POLN: variants seen among roughly 807,000 people sequenced by gnomAD.
The protein encoded by POLN is DNA polymerase nu.
A neutral mutation model predicts 113.5 loss-of-function variants in POLN; 108 were observed. The observed-to-expected ratio is 0.95, with a 90% CI of 0.81 to 1.12. The LOEUF is 1.12. Ranked by LOEUF, POLN falls within the 50% of genes most tolerant of loss-of-function variation. The probability of loss-of-function intolerance (pLI) is 0.00; values close to 1 mark genes in which losing one functional copy is unlikely to be tolerated. For missense variants in POLN, 1,097 were observed against 1,077.1 expected, an observed-to-expected ratio of 1.02 and a Z score of -0.26; for synonymous variants, 386 against 391.5, an observed-to-expected ratio of 0.99 and a Z score of 0.17.
rs574363541 is a variant in POLN at position 2,208,923 on chromosome 4, G to A, written c.214-436C>T. On this transcript the variant is annotated intron_variant, in intron 4 of 25. Transcript: ENST00000511885. ...GAATCACTTGAATTCAGGAGGTGGA[G>A]GCTGAAGTGAGCTGGGATTGCACCA... Among the ~76,000 whole-genome samples the A allele has an allele frequency of 2.0e-4, 30 of 152,160 alleles. 1 individual carries two copies. The South Asian group carries it at 5.8e-3, about 29-fold the overall frequency.
At chr4:2,072,412 T>C in intron 25 of POLN, 113 bp from the exon 26 acceptor site, 1 of 903,252 alleles carries the variant, frequency 1.1e-6, no homozygotes, top group South Asian at 1.8e-5. Flanking sequence ...CACATCCAGA[T>C]ACATGATCAG....
At chr4:2,231,876 T>C in intron 2 of POLN, 1 of 796,350 alleles carries the variant, frequency 1.3e-6, no homozygotes, top group Non-Finnish European at 2.1e-6. Context: ...ATACACAGTC[T>C]TCTAATAAAT....
intron 16 of POLN, among the ~76,000 whole-genome samples, chr4:2,149,103 G>A (rs900201706): frequency 3.3e-5 from 5 of 152,100 alleles, no homozygotes; most frequent in Admixed American, 6.5e-5. Context: ...AGACTAGCCT[G>A]GGCAACATGG....
intron 20 of POLN, among the ~76,000 whole-genome samples, 160 bp downstream of exon 20, chr4:2,095,691 G>A (rs1730771718): frequency 6.6e-6 from 1 of 152,154 alleles, no homozygotes; most frequent in Non-Finnish European, 1.5e-5. Context: ...AAGGCATGGG[G>A]TGGTCTGGCC....
At chr4:2,149,710 C>T (rs755940322) in intron 16 of POLN, among the ~76,000 whole-genome samples, 4 of 152,078 alleles carry the variant, frequency 2.6e-5, no homozygotes, top group African/African-American at 7.2e-5. Context: ...CACTTGAGCC[C>T]GGGAGTTGGA....
chr4:2,085,848 A>G (rs1250284891), intron 20 of POLN, 104 bp from the exon 21 acceptor site: 1 of 1,475,280 alleles, frequency 6.8e-7, no homozygotes, highest in African/African-American at 1.4e-5. Context: ...GTCTTTTCTG[A>G]TGGGTTGGGA....
intron 13 of POLN, among the ~76,000 whole-genome samples, chr4:2,163,969 A>G (rs1353642935): frequency 6.6e-6 from 1 of 152,224 alleles, no homozygotes; most frequent in Non-Finnish European, 1.5e-5. Context: ...TTCCTGTTCC[A>G]GTTTTCCCTG....
chr4:2,148,992 G>A (rs1732222580), intron 16 of POLN, among the ~76,000 whole-genome samples: 1 of 152,072 alleles, frequency 6.6e-6, no homozygotes, highest in Admixed American at 6.5e-5. Context: ...GTGAGGGCTG[G>A]GCACAGTGAC....
rs1730624690 is a variant in POLN, at chr4:2,089,809, G to A, written c.2066-4065C>T. 4 of 813,950 alleles carry A rather than the reference G, an allele frequency of 4.9e-6. No homozygotes were observed. In the African/African-American group the frequency reaches 5.1e-5, roughly 10 times the overall value. The allele number at this position is 813,950 out of a possible 1,614,324, so 50.4% of individuals were successfully genotyped here. On this transcript the variant is annotated intron_variant, in intron 20 of 25. Transcript: ENST00000511885. ...AGAATCATCTTTGGAAGCACATTCAGATGGATGAAGTCTCAACAAATCAGC... is the reference window on the plus strand; with the variant it reads ...AGAATCATCTTTGGAAGCACATTCAAATGGATGAAGTCTCAACAAATCAGC...
chr4:2,212,624 G>T (rs1734018931), intron 4 of POLN, among the ~76,000 whole-genome samples: 1 of 151,672 alleles, frequency 6.6e-6, no homozygotes, highest in Admixed American at 6.6e-5. Flanking sequence ...GGCCTCAAGT[G>T]GTCCACCCTG....
chr4:2,240,896 G>C, intron 2 of POLN: 1 of 1,601,774 alleles, frequency 6.2e-7, no homozygotes. Flanking sequence ...TATCAGCTTT[G>C]GGATAACCAA....
At chr4:2,148,843 G>C (rs1472906399) in intron 16 of POLN, among the ~76,000 whole-genome samples, 1 of 152,046 alleles carries the variant, frequency 6.6e-6, no homozygotes, top group Non-Finnish European at 1.5e-5. Context: ...AAAGAAAAAA[G>C]ACACATTATG....
intron 2 of POLN, chr4:2,240,867 A>T (rs1339110716): frequency 6.2e-7 from 1 of 1,611,928 alleles, no homozygotes; most frequent in Admixed American, 1.7e-5. Context: ...CAACCAGTCA[A>T]AGTCTTCTCC....
At chr4:2,210,923 TAATAAATAAATA>T (rs4030453) in intron 4 of POLN, among the ~76,000 whole-genome samples, 115 of 134,470 alleles carry the variant, frequency 8.6e-4, no homozygotes, top group South Asian at 1.7e-3. Context: ...TCTCAAAACA[TAATAAATAAATA>T]AATAAATAAA....
rs776637763 is a variant in POLN, at chr4:2,198,767, A to T, written c.715-50T>A. ...TAAACCCAGACAACATATCTGTTGT[A>T]GAAAGACATACATTTTAAAATTAAG... On this transcript the variant is annotated intron_variant, in intron 5 of 25. Coordinates refer to ENST00000511885, the MANE Select transcript of POLN (RefSeq NM_181808.4). 1.3e-5 allele frequency: 19 copies of T among 1,443,876 alleles called. No individual in the cohort carries two copies. In the Admixed American group the frequency reaches 4.2e-4, roughly 32 times the overall value. The allele number at this position is 1,443,876 out of a possible 1,614,324, so 89.4% of individuals were successfully genotyped here.
chr4:2,111,038 C>T lies in POLN; in HGVS notation c.1983-15105G>A, dbSNP rs1362299892. Reference sequence around the variant, plus strand: ...CCAGCAACACATCAAAAAGCTTATCCACCATGATCAAGTGGGCTTCCTCCC... The same window carrying T: ...CCAGCAACACATCAAAAAGCTTATCTACCATGATCAAGTGGGCTTCCTCCC... On this transcript the variant is annotated intron_variant, in intron 19 of 25. Coordinates refer to ENST00000511885, the MANE Select transcript of POLN (RefSeq NM_181808.4). 5.3e-5 allele frequency among the ~76,000 whole-genome samples: 8 copies of T among 152,258 alleles called. No individual in the cohort carries two copies. The East Asian group carries it at 1.2e-3, about 22-fold the overall frequency.
rs571186049 is a variant in POLN at position 2,233,858 on chromosome 4, C to T, written c.-12-4615G>A. Among the ~76,000 whole-genome samples the T allele has an allele frequency of 5.3e-5, 8 of 152,220 alleles. No homozygotes were observed. In the South Asian group the frequency reaches 1.5e-3, roughly 28 times the overall value. On this transcript the variant is annotated intron_variant, in intron 2 of 25. Coordinates refer to ENST00000511885, the MANE Select transcript of POLN (RefSeq NM_181808.4). Reference sequence around the variant, plus strand: ...TATGGTCAATGGTGTCTAGTAGACACTTATATAGTGCTGGTAGCATTATAA... The same window carrying T: ...TATGGTCAATGGTGTCTAGTAGACATTTATATAGTGCTGGTAGCATTATAA...
intron 17 of POLN, among the ~76,000 whole-genome samples, chr4:2,130,635 C>G (rs929261635): frequency 6.6e-6 from 1 of 152,006 alleles, no homozygotes; most frequent in African/African-American, 2.4e-5. Flanking sequence ...TAATAAGCAC[C>G]AGTGCTATTA....
Position 2,093,130 on chromosome 4 carries a change from C to G in POLN, c.2065+2721G>C, listed in dbSNP as rs1730705954. Among the ~76,000 whole-genome samples the G allele has an allele frequency of 6.6e-6, 1 of 152,006 alleles. No homozygotes were observed. Among genetic ancestry groups the G allele is most frequent in the South Asian group, 2.1e-4 (1 of 4,824 alleles). ...AAAAAAGTGAATACTCCAGAAGGAGCCAAACGGGTGGCAGAGAAGACCACC... is the reference window on the plus strand; with the variant it reads ...AAAAAAGTGAATACTCCAGAAGGAGGCAAACGGGTGGCAGAGAAGACCACC... On this transcript the variant is annotated intron_variant, in intron 20 of 25. Transcript: ENST00000511885. This position sits in a 1 kb window ranked among gnomAD's most constrained non-coding sequence, Gnocchi z 4.1.
Sources: allele counts gnomAD v4.1 joint callset (sites outside exome capture counted in the v4.1 genomes callset), GRCh38; gene constraint gnomAD v4.1.1; non-coding constraint Gnocchi (gnomAD v3.1); transcripts MANE v1.5; gene names NCBI Gene and HGNC (gene_info 2026-07-23, HGNC 2026-07-21).